The following GCC2 variants were observed in gnomAD, a reference collection of about 807,000 sequenced individuals.
GCC2 encodes the protein GRIP and coiled-coil domain containing 2, also known as GRIP and coiled-coil domain-containing protein 2.
A neutral mutation model predicts 210.6 loss-of-function variants in GCC2; 120 were observed. That is an observed-to-expected ratio of 0.57 (90% CI 0.49 to 0.66). The LOEUF (loss-of-function observed/expected upper bound fraction) is 0.66, where lower values mean the gene tolerates loss of function less well. GCC2 is among the 30% of genes least tolerant of loss of function. The pLI is 0.00. For missense variants in GCC2, 1,868 were observed against 1,871.9 expected, an observed-to-expected ratio of 1.00 and a Z score of 0.04; for synonymous variants, 703 against 652.7, an observed-to-expected ratio of 1.08 and a Z score of -1.17.
At chr2:108,462,463 C>G (rs1680644759) in intron 4 of GCC2, 1 of 148,172 alleles carries the variant, frequency 6.7e-6, no homozygotes, top group Non-Finnish European at 1.5e-5. Context: ...CACTGCACTC[C>G]AGCCTGGGGG....
At chr2:108,472,798 TG>T in intron 6 of GCC2, 28 bp from the exon 7 acceptor site, 1 of 1,318,234 alleles carries the variant, frequency 7.6e-7, no homozygotes, top group Non-Finnish European at 1.1e-6. Flanking sequence ...TGTTTTGTTT[TG>T]TGTTTTTTTT....
chr2:108,484,165 C>T lies in GCC2; in HGVS notation c.3467C>T (p.Thr1156Ile), dbSNP rs1682012079. 1 of 1,581,638 alleles carries T rather than the reference C, an allele frequency of 6.3e-7. No homozygotes were observed. Among genetic ancestry groups the T allele is most frequent in the African/African-American group, 1.4e-5 (1 of 72,718 alleles). ...AATGTGCAGGATGCCCAACAAACCA[C>T]ATTGATGAATATGGAAATAGCTGAT... Reference protein sequence around the residue: ...ELVKKDAQQTTLMNMEIADYE... With the variant: ...ELVKKDAQQTILMNMEIADYE... The change falls in exon 13 of 23, where the codon ACA becomes ATA. Residue 1156 changes from threonine (T) to isoleucine (I), a missense_variant. Physicochemically the swap from Thr to Ile is moderately conservative, Grantham distance 89. Coordinates refer to ENST00000309863, the MANE Select transcript of GCC2 (RefSeq NM_181453.4).
At chr2:108,472,751 C>T (rs1461006534) in intron 6 of GCC2, 76 bp from the exon 7 acceptor site, 2 of 813,920 alleles carry the variant, frequency 2.5e-6, no homozygotes, top group African/African-American at 3.5e-5. Context: ...ACATGATGGC[C>T]AGTTCATTAT....
chr2:108,481,667 T>C, intron 9 of GCC2, 30 bp from the exon 10 acceptor site: 1 of 1,553,864 alleles, frequency 6.4e-7, no homozygotes, highest in Non-Finnish European at 8.7e-7. Flanking sequence ...CAAAATTATA[T>C]ACCAAAGTTA....
Position 108,475,560 on chromosome 2 carries a change from A to C in GCC2, c.2886A>C (p.Glu962Asp), listed in dbSNP as rs1681464072. 3 of 1,498,734 alleles carry C rather than the reference A, an allele frequency of 2.0e-6. No homozygotes were observed. Among genetic ancestry groups the C allele is most frequent in the Non-Finnish European group, 2.7e-6 (3 of 1,112,904 alleles). 92.8% of individuals were successfully genotyped at this position (1,498,734 alleles called of 1,614,324 possible). ...AAAATCTGGAAAAAGAATGCAAAGAAAAGGAGGAGAAAATAAATAAGATAA... is the reference window on the plus strand; with the variant it reads ...AAAATCTGGAAAAAGAATGCAAAGACAAGGAGGAGAAAATAAATAAGATAA... The part of the protein sequence containing the change: ...KIENLEKECK[E>D]KEEKINKIKL... The change falls in exon 8 of 23, where the codon GAA (glutamate) becomes GAC (aspartate). Residue 962 changes from glutamate (E) to aspartate (D), a missense_variant. Physicochemically the swap from Glu to Asp is conservative, Grantham distance 45 (BLOSUM62 2). Transcript: ENST00000309863.
At chr2:108,499,194 C>G (rs4012132) in intron 21 of GCC2, among the ~76,000 whole-genome samples, 14,122 of 149,134 alleles carry the variant, frequency 0.095, 808 homozygotes, top group South Asian at 0.17. Flanking sequence ...GTATTAGCTT[C>G]TTGCCTTTCT....
chr2:108,486,666 G>A lies in GCC2; in HGVS notation c.3930+18G>A. ...CTGCCAAGGTGCGTTCTTCAGGGCA[G>A]CCACAGCAAGCCACTGGGATTTTAT... is the stretch of plus-strand genomic sequence containing the variant. On this transcript the variant is annotated intron_variant, in intron 16 of 22. Transcript: ENST00000309863. The A allele has an allele frequency of 2.5e-6, 4 of 1,595,442 alleles. No homozygotes were observed. The highest frequency in any genetic ancestry group is 3.4e-6 in the Non-Finnish European group (4 of 1,170,536).
intron 22 of GCC2, among the ~76,000 whole-genome samples, chr2:108,501,798 G>C (rs2104515630): frequency 1.3e-5 from 2 of 152,262 alleles, no homozygotes; most frequent in Middle Eastern, 6.8e-3. Context: ...GGCCTGATAA[G>C]ATTCAGGCTT....
rs747569256 is a variant in GCC2 at position 108,469,846 on chromosome 2, C to G, written c.517C>G (p.Gln173Glu). 6.2e-7 allele frequency: 1 copy of G among 1,612,620 alleles called. No individual in the cohort carries two copies. The highest frequency in any genetic ancestry group is 2.2e-5 in the East Asian group (1 of 44,848). Residue 173 changes from glutamine to glutamate, a missense_variant, in exon 6 of 23, where the codon CAG becomes GAG. Around this residue, in one of 3 missense-constraint regions of GCC2, gnomAD observed 1,847 missense variants for 1,765.2 expected, o/e 1.05. Transcript: ENST00000309863. ...AGAACTTTCAGAACAACTTAAATTT[C>G]AGAACAACTCTGAAGATAATGTTAA... ...QLELSEQLKF[Q>E]NNSEDNVKKL... is the part of the protein sequence containing the mutation.
chr2:108,456,859 A>G (rs1486719285), intron 4 of GCC2, among the ~76,000 whole-genome samples: 1 of 151,950 alleles, frequency 6.6e-6, no homozygotes, highest in Non-Finnish European at 1.5e-5. Flanking sequence ...TGAGATAGGA[A>G]GATCACTTGA....
chr2:108,466,033 G>C (rs1680865463), intron 4 of GCC2, among the ~76,000 whole-genome samples: 1 of 152,096 alleles, frequency 6.6e-6, no homozygotes, highest in Admixed American at 6.5e-5. Flanking sequence ...TTTCCCTGAT[G>C]ATTATGATGT....
chr2:108,500,157 CAT>C (rs4012119), intron 22 of GCC2, among the ~76,000 whole-genome samples: 87,217 of 151,268 alleles, frequency 0.58, 26,006 homozygotes, highest in East Asian at 0.96. Context: ...ACAATGCAGT[CAT>C]ATATAGCCCA....
intron 22 of GCC2, among the ~76,000 whole-genome samples, chr2:108,504,466 T>A (rs1683087241): frequency 1.3e-5 from 2 of 152,152 alleles, no homozygotes; most frequent in African/African-American, 4.8e-5. Flanking sequence ...GAGTAGCGTG[T>A]TACAACTCTG....
intron 19 of GCC2, chr2:108,493,946 C>T (rs1301617177): frequency 1.0e-6 from 1 of 984,846 alleles, no homozygotes; most frequent in Non-Finnish European, 1.2e-6. Context: ...TAAATGAAAT[C>T]TGAAGTTTAA....
chr2:108,454,938 G>T (rs1680171993), intron 4 of GCC2, among the ~76,000 whole-genome samples: 1 of 150,904 alleles, frequency 6.6e-6, no homozygotes, highest in African/African-American at 2.4e-5. Context: ...TATCGCCCAG[G>T]CTGGAGTGCA....
intron 18 of GCC2, among the ~76,000 whole-genome samples, chr2:108,490,933 C>T (rs1227277649): frequency 6.6e-6 from 1 of 152,082 alleles, no homozygotes; most frequent in Non-Finnish European, 1.5e-5. Context: ...CTACTATGTG[C>T]CAGTCACTTT....
At chr2:108,487,496 T>C (rs1192410952) in intron 16 of GCC2, among the ~76,000 whole-genome samples, 2 of 152,218 alleles carry the variant, frequency 1.3e-5, no homozygotes, top group African/African-American at 4.8e-5. Context: ...TGTACAATTA[T>C]GTATCAATTA....
At chr2:108,484,497 T>C (rs1415312241) in intron 13 of GCC2, 186 bp downstream of exon 13, 3 of 408,370 alleles carry the variant, frequency 7.3e-6, no homozygotes, top group African/African-American at 4.1e-5. Context: ...TTGTAGTCCA[T>C]GCCTATGTCC....
rs544277125 is a variant in GCC2 at position 108,487,310 on chromosome 2, G to A, written c.3931-389G>A. 7.2e-5 allele frequency among the ~76,000 whole-genome samples: 11 copies of A among 152,238 alleles called. No homozygotes were observed. In the East Asian group the frequency reaches 1.9e-3, roughly 27 times the overall value. On this transcript the variant is annotated intron_variant, in intron 16 of 22. Coordinates refer to ENST00000309863, the MANE Select transcript of GCC2 (RefSeq NM_181453.4). ...ATTAATCTACCAGGGTAGAAGACAT[G>A]GTAGAAACAGATCTCTTATCAGAAA...
Sources: allele counts gnomAD v4.1 joint callset (sites outside exome capture counted in the v4.1 genomes callset), GRCh38; gene constraint gnomAD v4.1.1; regional missense constraint gnomAD v4.1.1; transcripts MANE v1.5; gene names NCBI Gene and HGNC (gene_info 2026-07-23, HGNC 2026-07-21).